The following AGBL3 variants were observed in gnomAD, a reference collection of about 807,000 sequenced individuals.
AGBL3 encodes the protein cytosolic carboxypeptidase 3.
Under a neutral mutation model 94.5 loss-of-function variants are expected in AGBL3, and 68 were observed. That is an observed-to-expected ratio of 0.72 (90% CI 0.59 to 0.88). The LOEUF is 0.88. Among genes scored for constraint, AGBL3 ranks in the 40% least tolerant of loss-of-function variants. The pLI, the probability that AGBL3 is intolerant of heterozygous loss-of-function variation, is 0.00. For missense variants in AGBL3, 934 were observed against 1,103.8 expected (o/e 0.85, Z 2.18); for synonymous variants, 354 against 370.7 (o/e 0.95, Z 0.52).
In AGBL3 at chr7:135,076,483, A is replaced by T. The variant is rs539402134; in HGVS notation, c.1980+15A>T. The T allele has an allele frequency of 6.6e-7, 1 of 1,518,906 alleles. No homozygotes were observed. Among genetic ancestry groups the T allele is most frequent in the South Asian group, 1.2e-5 (1 of 82,924 alleles). 94.1% of individuals were successfully genotyped at this position (1,518,906 alleles called of 1,614,324 possible). On this transcript the variant is annotated intron_variant, in intron 13 of 16. Coordinates refer to ENST00000436302, the MANE Select transcript of AGBL3 (RefSeq NM_178563.4). ...GAGGACAAGAGGTAAATCTTCATTA[A>T]TCTAGTTATTAAGGTTTTTTTAAAT...
intron 15 of AGBL3, among the ~76,000 whole-genome samples, chr7:135,085,119 A>G (rs1469315012): frequency 6.6e-6 from 1 of 151,926 alleles, no homozygotes; most frequent in East Asian, 1.9e-4. Flanking sequence ...TGTTCCATAT[A>G]CCTGTTGGCC....
intron 3 of AGBL3, among the ~76,000 whole-genome samples, chr7:134,993,138 G>A (rs1041042026): frequency 6.6e-6 from 1 of 152,162 alleles, no homozygotes; most frequent in African/African-American, 2.4e-5. Context: ...GAAGTGGTGA[G>A]GAATTATAGT....
chr7:135,069,064 AG>A (rs1819635528), intron 12 of AGBL3, among the ~76,000 whole-genome samples: 2 of 152,196 alleles, frequency 1.3e-5, no homozygotes, highest in Admixed American at 1.3e-4. Flanking sequence ...AAAAAAAGGC[AG>A]GGGTTGCAAT....
chr7:135,129,493 C>G, intron 16 of AGBL3: 1 of 772,902 alleles, frequency 1.3e-6, no homozygotes, highest in Non-Finnish European at 2.4e-6. Flanking sequence ...TGTTGTGGAA[C>G]TCCCATAGAG....
chr7:135,097,360 G>A (rs2116986087), intron 15 of AGBL3, among the ~76,000 whole-genome samples: 1 of 152,140 alleles, frequency 6.6e-6, no homozygotes, highest in Admixed American at 6.5e-5. Context: ...TGGCTTTTAG[G>A]TACTTTGATT....
At chr7:135,003,067 CA>C (rs1369038052) in intron 4 of AGBL3, among the ~76,000 whole-genome samples, 1 of 152,044 alleles carries the variant, frequency 6.6e-6, no homozygotes, top group East Asian at 1.9e-4. Flanking sequence ...CTTTGTCTAT[CA>C]TTTTTAAATG....
At chr7:135,102,027 T>C (rs1823912508) in intron 15 of AGBL3, among the ~76,000 whole-genome samples, 2 of 152,210 alleles carry the variant, frequency 1.3e-5, no homozygotes, top group South Asian at 4.1e-4. Context: ...CCTTCCACCA[T>C]GATCGTGAGG....
intron 16 of AGBL3, 121 bp downstream of exon 16, chr7:135,115,732 T>C: frequency 1.2e-6 from 1 of 805,708 alleles, no homozygotes; most frequent in Non-Finnish European, 1.9e-6. Flanking sequence ...GTCAGCTCCA[T>C]CACATTTGGC....
Position 135,116,661 on chromosome 7 carries a change from C to T in AGBL3, c.2342+1050C>T, listed in dbSNP as rs367857357. On this transcript the variant is annotated intron_variant, in intron 16 of 16. Transcript: ENST00000436302. ...GTCAAAGTTCTGGCTTCTATTTGTT[C>T]TTCTTTGACTCCACCCTAGCAGAGG... is the stretch of plus-strand genomic sequence containing the variant. Among the ~76,000 whole-genome samples the T allele has an allele frequency of 7.5e-4, 114 of 152,248 alleles. No homozygotes were observed. In the Middle Eastern group the frequency reaches 0.017, roughly 23 times the overall value.
chr7:135,066,564 C>A (rs1819321979), intron 12 of AGBL3, among the ~76,000 whole-genome samples: 1 of 152,104 alleles, frequency 6.6e-6, no homozygotes, highest in Admixed American at 6.5e-5. Flanking sequence ...GGAGTTTCCT[C>A]AAAAAAATTT....
chr7:135,026,244 A>ATTATTTTATTTTATTTTATTTTATTTATT lies in AGBL3; in HGVS notation c.419-6574_419-6573insATTTTATTTTATTTTATTTTATTTTATTT, dbSNP rs1815089107. Among the ~76,000 whole-genome samples the ATTATTTTATTTTATTTTATTTTATTTATT allele has an allele frequency of 1.1e-4, 9 of 81,462 alleles. 1 individual carries two copies. The highest frequency in any genetic ancestry group is 3.5e-4 in the African/African-American group (9 of 25,688). The allele number at this position is 81,462 out of a possible 152,430, so 53.4% of individuals were successfully genotyped here. On this transcript the variant is annotated intron_variant, in intron 5 of 16. Coordinates refer to ENST00000436302, the MANE Select transcript of AGBL3 (RefSeq NM_178563.4). ...TGCAATAAAAATAGAAATGAATACC[A>ATTATTTTATTTTATTTTATTTTATTTATT]TTATTTTATTTTATTTTATTTTATT...
rs77507836 is a variant in AGBL3 at position 135,055,329 on chromosome 7, G to A, written c.1842-3840G>A. On this transcript the variant is annotated intron_variant, in intron 11 of 16. Transcript: ENST00000436302. ...TTCCAGTATGATACTGAGTAGAAGT[G>A]CTATGAGAAGACATCCTTATCCTGT... 1.3e-3 allele frequency among the ~76,000 whole-genome samples: 191 copies of A among 152,300 alleles called. 2 individuals carry two copies. Among genetic ancestry groups the A allele is most frequent in the African/African-American group, 4.4e-3 (183 of 41,568 alleles).
At chr7:135,014,229 C>A (rs1219084471) in intron 4 of AGBL3, among the ~76,000 whole-genome samples, 2 of 133,590 alleles carry the variant, frequency 1.5e-5, no homozygotes, top group African/African-American at 5.5e-5. Context: ...AAAAAAAAAC[C>A]CGAAATGTTG....
chr7:135,058,197 G>C (rs1446878426), intron 11 of AGBL3, among the ~76,000 whole-genome samples: 1 of 152,064 alleles, frequency 6.6e-6, no homozygotes, highest in African/African-American at 2.4e-5. Flanking sequence ...GGGAATGGGG[G>C]CATGTGTATG....
chr7:135,031,936 A>G (rs1054372712), intron 5 of AGBL3, among the ~76,000 whole-genome samples: 3 of 152,184 alleles, frequency 2.0e-5, no homozygotes. Flanking sequence ...GGAAACCGCT[A>G]TGTAGACTGT....
At chr7:135,035,551 T>C (rs1014998240) in intron 7 of AGBL3, among the ~76,000 whole-genome samples, 1 of 152,118 alleles carries the variant, frequency 6.6e-6, no homozygotes. Flanking sequence ...GATTTTTGTA[T>C]AAAATACTTA....
chr7:135,042,216 C>A (rs1305372586), intron 8 of AGBL3, among the ~76,000 whole-genome samples: 1 of 152,172 alleles, frequency 6.6e-6, no homozygotes, highest in African/African-American at 2.4e-5. Context: ...TAAACCTGTA[C>A]ACACAAACAT....
At chr7:135,091,426 A>G (rs1014085387) in intron 15 of AGBL3, among the ~76,000 whole-genome samples, 2 of 152,160 alleles carry the variant, frequency 1.3e-5, no homozygotes, top group Admixed American at 1.3e-4. Flanking sequence ...TGGGTTTCAC[A>G]TCCTTTGAAT....
At chr7:135,131,963 C>A (rs1469768697) in intron 16 of AGBL3, among the ~76,000 whole-genome samples, 1 of 152,152 alleles carries the variant, frequency 6.6e-6, no homozygotes. Context: ...ATATGAACTA[C>A]CCCAACTCAT....
Sources: gnomAD v4.1 joint callset for allele counts (sites outside exome capture counted in the v4.1 genomes callset) on GRCh38, gnomAD v4.1.1 for gene constraint, MANE v1.5 for transcripts, NCBI Gene and HGNC (gene_info 2026-07-23, HGNC 2026-07-21) for gene names.